Variants in SYNJ2 observed in about 807,000 individuals in gnomAD.
SYNJ2 encodes synaptojanin 2, also known as polyphosphatidylinositol phosphatase SYNJ2.
Under a neutral mutation model 141.3 loss-of-function variants are expected in SYNJ2, and 116 were observed. The ratio of observed to expected loss-of-function variants is 0.82; its 90% CI spans 0.71 to 0.96. SYNJ2 has a LOEUF of 0.96. Ranked by LOEUF, SYNJ2 falls within the 40% of genes least tolerant of loss-of-function variation. The pLI is 0.00. For synonymous variants in SYNJ2, 745 were observed against 777.7 expected, an observed-to-expected ratio of 0.96 and a Z score of 0.70; for missense variants, 1,873 against 1,934.8, an observed-to-expected ratio of 0.97 and a Z score of 0.60.
intron 7 of SYNJ2, 126 bp downstream of exon 7, chr6:158,059,479 C>G: frequency 1.3e-6 from 2 of 1,483,964 alleles, no homozygotes; most frequent in Non-Finnish European, 1.8e-6. Flanking sequence ...TTTCCTGAGG[C>G]TTCCCCAGCA....
At chr6:157,999,932 A>G (rs1777772913) in intron 1 of SYNJ2, among the ~76,000 whole-genome samples, 1 of 151,866 alleles carries the variant, frequency 6.6e-6, no homozygotes, top group African/African-American at 2.4e-5. Flanking sequence ...TTTTTCACAC[A>G]TGTTTGACCT....
chr6:158,033,756 G>T, intron 4 of SYNJ2, 76 bp downstream of exon 4: 2 of 1,425,448 alleles, frequency 1.4e-6, no homozygotes, highest in South Asian at 2.6e-5. Context: ...TTTCCACTTG[G>T]GGCAGAAGAG....
At position 158,083,452 on chromosome 6, in the gene SYNJ2, T is replaced by A. The variant is rs1187649943; in HGVS notation, c.2889T>A (p.Ile963=). 1 of 1,614,136 alleles carries A rather than the reference T, an allele frequency of 6.2e-7. No homozygotes were observed. ...AGGTGAAAGGCAGAGCAGTGAAGATTAGACCGAAGACCAAGGACTGGCTGA... is the reference window on the plus strand; with the variant it reads ...AGGTGAAAGGCAGAGCAGTGAAGATAAGACCGAAGACCAAGGACTGGCTGA... ...GMKVKGRAVK[I]RPKTKDWLKG... The change falls in exon 21 of 27, where the codon ATT becomes ATA. Residue 963 remains isoleucine (I), a synonymous_variant. Transcript: ENST00000355585.
At chr6:157,994,495 C>G (rs1328553894) in intron 1 of SYNJ2, among the ~76,000 whole-genome samples, 1 of 152,210 alleles carries the variant, frequency 6.6e-6, no homozygotes, top group Non-Finnish European at 1.5e-5. Context: ...GAGCCAGGCC[C>G]TTGTAACAAG....
intron 6 of SYNJ2, among the ~76,000 whole-genome samples, chr6:158,057,063 C>T (rs1030870766): frequency 7.2e-5 from 11 of 152,032 alleles, no homozygotes; most frequent in Admixed American, 2.0e-4. Flanking sequence ...TCTCCTTCCC[C>T]GCCCCGCTCT....
chr6:158,096,154 C>T lies in SYNJ2; in HGVS notation c.4281C>T (p.Asn1427=). ...TTCACCACCCTAAACTGTTGAATAA[C>T]ACTTGGCTTTCTAAGAGCTCAGACC... is the stretch of plus-strand genomic sequence containing the variant. ...NLLHHPKLLN[N]TWLSKSSDPL... Residue 1427 remains asparagine (N), a synonymous_variant, in exon 27 of 27, where the codon AAC becomes AAT. Coordinates refer to ENST00000355585, the MANE Select transcript of SYNJ2 (RefSeq NM_003898.4). The T allele has an allele frequency of 6.2e-7, 1 of 1,614,254 alleles. No individual in the cohort carries two copies.
intron 5 of SYNJ2, among the ~76,000 whole-genome samples, chr6:158,050,871 G>A (rs1488769557): frequency 6.6e-6 from 1 of 152,060 alleles, no homozygotes; most frequent in East Asian, 1.9e-4. Flanking sequence ...CTGGTTAGGT[G>A]TCATCACCCA....
At position 158,020,306 on chromosome 6, in the gene SYNJ2, T is replaced by C. The variant is rs151171078; in HGVS notation, c.214+3016T>C. ...ACTCCGACTGTGTGACCCCCACCTG[T>C]GTGACTCCAACTGTGGACTGACTCT... On this transcript the variant is annotated intron_variant, in intron 2 of 26. Coordinates refer to ENST00000355585, the MANE Select transcript of SYNJ2 (RefSeq NM_003898.4). Among the ~76,000 whole-genome samples the C allele has an allele frequency of 2.3e-3, 345 of 151,266 alleles. 2 individuals carry two copies. The highest frequency in any genetic ancestry group is 8.0e-3 in the African/African-American group (328 of 41,094).
chr6:158,095,745 C>T lies in SYNJ2; in HGVS notation c.3872C>T (p.Thr1291Ile). 1 of 1,614,190 alleles carries T rather than the reference C, an allele frequency of 6.2e-7. No homozygotes were observed. Among genetic ancestry groups the T allele is most frequent in the South Asian group, 1.1e-5 (1 of 91,072 alleles). The change falls in exon 27 of 27, where the codon ACA (threonine) becomes ATA (isoleucine). Residue 1291 changes from threonine (T) to isoleucine (I), a missense_variant. Coordinates refer to ENST00000355585, the MANE Select transcript of SYNJ2 (RefSeq NM_003898.4). Reference protein sequence around the residue: ...PRVPPVPKPRTFQPGKAAERP... With the variant: ...PRVPPVPKPRIFQPGKAAERP... ...GTCCCTCCTGTTCCCAAACCAAGAA[C>T]ATTTCAGCCTGGGAAAGCTGCAGAG...
chr6:158,079,922 ATG>A (rs1562393449), intron 18 of SYNJ2, among the ~76,000 whole-genome samples: 1 of 152,108 alleles, frequency 6.6e-6, no homozygotes, highest in African/African-American at 2.4e-5. Context: ...ATAAACAAAC[ATG>A]TGTGCTATGA....
At position 158,069,524 on chromosome 6, in the gene SYNJ2, C is replaced by T. The variant is rs1262245759; in HGVS notation, c.1800-9C>T. The T allele has an allele frequency of 6.8e-6, 11 of 1,608,762 alleles. No individual in the cohort carries two copies. The highest frequency in any genetic ancestry group is 9.3e-6 in the Non-Finnish European group (11 of 1,176,588). ...CCTGTAAACAGCATCCTTTCCTTTT[C>T]TCTTCCAGTACTACCAACAAGAAGA... On this transcript the variant is annotated splice_polypyrimidine_tract_variant and intron_variant, in intron 13 of 26. Transcript: ENST00000355585.
chr6:158,027,014 T>C lies in SYNJ2; in HGVS notation c.215-1742T>C. 1.0e-6 allele frequency: 1 copy of C among 985,376 alleles called. No homozygotes were observed. The highest frequency in any genetic ancestry group is 4.7e-5 in the South Asian group (1 of 21,286). The allele number at this position is 985,376 out of a possible 1,614,324, so 61.0% of individuals were successfully genotyped here. ...TCCTGAGGATGTGTCTGGGGAGATG[T>C]GATGGGATCAACCCCCTGCCCTGCT... is the stretch of plus-strand genomic sequence containing the variant. On this transcript the variant is annotated intron_variant, in intron 2 of 26. Coordinates refer to ENST00000355585, the MANE Select transcript of SYNJ2 (RefSeq NM_003898.4). This position sits in a 1 kb window ranked among gnomAD's most constrained non-coding sequence, Gnocchi z 4.6.
intron 6 of SYNJ2, among the ~76,000 whole-genome samples, 162 bp from the exon 7 acceptor site, chr6:158,059,095 C>T (rs1326678886): frequency 6.6e-6 from 1 of 152,260 alleles, no homozygotes; most frequent in Non-Finnish European, 1.5e-5. Context: ...TCTCTCCACC[C>T]AGGCTCATTT....
At chr6:158,038,724 G>A (rs565402904) in intron 4 of SYNJ2, among the ~76,000 whole-genome samples, 24 of 152,356 alleles carry the variant, frequency 1.6e-4, no homozygotes, top group African/African-American at 3.1e-4. Flanking sequence ...TGATGGGGGC[G>A]CAGCAGGAGT....
intron 16 of SYNJ2, among the ~76,000 whole-genome samples, chr6:158,075,152 G>A (rs7738802): frequency 0.7 from 105,532 of 151,132 alleles, 37,090 homozygotes; most frequent in East Asian, 0.88. Context: ...GGCTGGTCTC[G>A]AACTCCTGGC....
chr6:158,061,906 C>T (rs914784169), intron 7 of SYNJ2, 86 bp from the exon 8 acceptor site: 21 of 1,395,844 alleles, frequency 1.5e-5, no homozygotes, highest in South Asian at 9.2e-5. Context: ...CTTGGTTAGC[C>T]GCACGGGTCA....
At chr6:158,034,345 C>T (rs920421958) in intron 4 of SYNJ2, among the ~76,000 whole-genome samples, 29 of 152,220 alleles carry the variant, frequency 1.9e-4, no homozygotes, top group African/African-American at 7.0e-4. Flanking sequence ...GAAAGGAAAA[C>T]CCCGGAAGGC....
chr6:158,077,666 A>T (rs1484376006), intron 17 of SYNJ2: 1 of 120,872 alleles, frequency 8.3e-6, no homozygotes, highest in African/African-American at 3.5e-5. Flanking sequence ...AAAAAAAAAA[A>T]AAAAAAAAAA....
In SYNJ2 at chr6:158,095,963, A is replaced by G. The variant is rs558392188; in HGVS notation, c.4090A>G (p.Ser1364Gly). The change falls in exon 27 of 27, where the codon AGT (serine) becomes GGT (glycine). Residue 1364 changes from serine (S) to glycine (G), a missense_variant. Physicochemically the swap from Ser to Gly is moderately conservative, Grantham distance 56. Coordinates refer to ENST00000355585, the MANE Select transcript of SYNJ2 (RefSeq NM_003898.4). ...TCTCCAGGGCCTCACTTACAATAGC[A>G]GTGACAGCCCCTCTGGGCACCCACC... The part of the protein sequence containing the change: ...QLLQGLTYNS[S>G]DSPSGHPPAA... 8 of 1,614,076 alleles carry G rather than the reference A, an allele frequency of 5.0e-6. No homozygotes were observed. The Admixed American group carries it at 1.3e-4, about 27-fold the overall frequency.
Sources: gnomAD v4.1 joint callset for allele counts (sites outside exome capture counted in the v4.1 genomes callset) on GRCh38, gnomAD v4.1.1 for gene constraint, Gnocchi (gnomAD v3.1) non-coding constraint, MANE v1.5 for transcripts, NCBI Gene and HGNC (gene_info 2026-07-23, HGNC 2026-07-21) for gene names.